Variants in EPHB2 observed in about 807,000 individuals in gnomAD.
The protein encoded by EPHB2 is ephrin type-B receptor 2.
Under a neutral mutation model 96.4 loss-of-function variants are expected in EPHB2, and 18 were observed. The observed-to-expected ratio is 0.19, with a 90% CI of 0.13 to 0.28. The LOEUF is 0.28. EPHB2 is among the 10% of genes least tolerant of loss of function. The pLI is 1.00. For missense variants in EPHB2, 989 were observed against 1,355.4 expected (o/e 0.73, Z 4.25); for synonymous variants, 506 against 534.1 (o/e 0.95, Z 0.72).
intron 5 of EPHB2, among the ~76,000 whole-genome samples, chr1:22,871,841 C>T (rs1452155421): frequency 2.6e-5 from 4 of 152,034 alleles, no homozygotes; most frequent in Non-Finnish European, 5.9e-5. Context: ...CATGGTGAAA[C>T]CCCATCTCTA....
intron 5 of EPHB2, 34 bp from the exon 6 acceptor site, chr1:22,882,325 C>T: frequency 6.2e-7 from 1 of 1,611,876 alleles, no homozygotes; most frequent in Non-Finnish European, 8.5e-7. Flanking sequence ...CTTCTCATGC[C>T]TCCCTGATCC....
chr1:22,762,198 G>A (rs534493630), intron 1 of EPHB2, among the ~76,000 whole-genome samples: 270 of 152,300 alleles, frequency 1.8e-3, no homozygotes, highest in African/African-American at 5.7e-3. Context: ...GTCCCTGATG[G>A]CACCAGGGGC....
intron 1 of EPHB2, among the ~76,000 whole-genome samples, chr1:22,759,161 C>T (rs2148391931): frequency 6.6e-6 from 1 of 152,198 alleles, no homozygotes; most frequent in Admixed American, 6.5e-5. Context: ...AGCTATTTTC[C>T]CAGCTCGCTT....
intron 3 of EPHB2, chr1:22,836,870 A>G (rs553047855): frequency 1.3e-5 from 2 of 152,420 alleles, no homozygotes; most frequent in South Asian, 2.1e-4. Context: ...GGAGGAGAAG[A>G]CAGAGCTTTC....
Position 22,784,863 on chromosome 1 carries a change from A to T in EPHB2, c.598A>T (p.Ile200Phe). 1.2e-6 allele frequency: 2 copies of T among 1,612,614 alleles called. No individual in the cohort carries two copies. Among genetic ancestry groups the T allele is most frequent in the Non-Finnish European group, 1.7e-6 (2 of 1,179,178 alleles). ...VRVFYRKCPR[I>F]IQNGAIFQET... ...TGTCTTCTACCGCAAGTGCCCCCGC[A>T]TCATCCAGAATGGCGCCATCTTCCA... Residue 200 changes from isoleucine to phenylalanine, a missense_variant, in exon 3 of 16, where the codon ATC becomes TTC. By Grantham distance (21) the Ile-to-Phe change is conservative (BLOSUM62 0). Transcript: ENST00000374630. The surrounding 1 kb of genome is among the most constrained non-coding windows in gnomAD (Gnocchi z 5.1).
chr1:22,878,469 G>T (rs1184522266), intron 5 of EPHB2, among the ~76,000 whole-genome samples: 1 of 152,246 alleles, frequency 6.6e-6, no homozygotes, highest in African/African-American at 2.4e-5. Context: ...GATGCTGTGA[G>T]GTTCCTCTCC....
At chr1:22,873,040 T>C (rs182165099) in intron 5 of EPHB2, among the ~76,000 whole-genome samples, 7 of 152,338 alleles carry the variant, frequency 4.6e-5, no homozygotes, top group South Asian at 2.1e-4. Flanking sequence ...TCATTTAAGA[T>C]TGGTTTTGGC....
chr1:22,910,551 A>G lies in EPHB2; in HGVS notation c.2672A>G (p.Lys891Arg). ...DKMIRNPNSLKAMAPLSSGIN... is the reference protein window; with the variant it reads ...DKMIRNPNSLRAMAPLSSGIN... Reference sequence around the variant, plus strand: ...ATGATCCGCAATCCCAACAGCCTCAAAGCCATGGCGCCCCTCTCCTCTGGG... The same window carrying G: ...ATGATCCGCAATCCCAACAGCCTCAGAGCCATGGCGCCCCTCTCCTCTGGG... The change falls in exon 14 of 16, where the codon AAA becomes AGA. Residue 891 changes from lysine (K) to arginine (R), a missense_variant. Transcript: ENST00000374630. The G allele has an allele frequency of 6.2e-7, 1 of 1,607,766 alleles. No individual in the cohort carries two copies. Among genetic ancestry groups the G allele is most frequent in the Non-Finnish European group, 8.5e-7 (1 of 1,179,982 alleles).
intron 1 of EPHB2, among the ~76,000 whole-genome samples, chr1:22,715,237 G>T (rs897257859): frequency 1.3e-5 from 2 of 152,216 alleles, no homozygotes; most frequent in African/African-American, 4.8e-5. Flanking sequence ...AATCAAGGAG[G>T]TCTTCCTGGA....
At chr1:22,859,295 G>A (rs1358742155) in intron 3 of EPHB2, among the ~76,000 whole-genome samples, 1 of 127,276 alleles carries the variant, frequency 7.9e-6, no homozygotes, top group African/African-American at 3.6e-5. Flanking sequence ...GGGTGGGCCT[G>A]GTGGGGGGGG....
At chr1:22,908,389 C>G (rs1639984890) in intron 12 of EPHB2, among the ~76,000 whole-genome samples, 1 of 152,246 alleles carries the variant, frequency 6.6e-6, no homozygotes, top group Admixed American at 6.5e-5. Flanking sequence ...GGCTGTAAGC[C>G]AGGACAGCCA....
intron 3 of EPHB2, among the ~76,000 whole-genome samples, chr1:22,862,531 A>G (rs1298269597): frequency 6.6e-6 from 1 of 152,222 alleles, no homozygotes; most frequent in Non-Finnish European, 1.5e-5. Flanking sequence ...CAGTACTCAA[A>G]GCCAGGTCGG....
rs71020453 is a variant in EPHB2 at position 22,819,205 on chromosome 1, GTCTCTCTCTCTCTC to G, written c.811+34161_811+34174del. The stretch of plus-strand genomic sequence containing the variant: ...TCCACAGCCTGGTCGCCCAGCAGAT[GTCTCTCTCTCTCTC>G]TCTCTCTCTCTCTCTCTCTCTCTCT... On this transcript the variant is annotated intron_variant, in intron 3 of 15. Transcript: ENST00000374630. Among the ~76,000 whole-genome samples, 31 of 103,470 alleles carry G rather than the reference GTCTCTCTCTCTCTC, an allele frequency of 3.0e-4. 1 individual carries two copies. The highest frequency in any genetic ancestry group is 5.8e-4 in the Admixed American group (5 of 8,606). The allele number at this position is 103,470 out of a possible 152,430, so 67.9% of individuals were successfully genotyped here.
intron 1 of EPHB2, among the ~76,000 whole-genome samples, chr1:22,761,189 T>C (rs1432743941): frequency 6.6e-6 from 1 of 152,182 alleles, no homozygotes; most frequent in Non-Finnish European, 1.5e-5. Flanking sequence ...AAAACGTGCC[T>C]GAGTCCATTG....
At chr1:22,723,938 G>A (rs1299380023) in intron 1 of EPHB2, among the ~76,000 whole-genome samples, 1 of 152,194 alleles carries the variant, frequency 6.6e-6, no homozygotes, top group African/African-American at 2.4e-5. Flanking sequence ...CTGGGCTTAG[G>A]TATTATTGTT....
rs774730012 is a variant in EPHB2 at position 22,910,595 on chromosome 1, C to G, written c.2696+20C>G. 1.2e-6 allele frequency: 2 copies of G among 1,613,314 alleles called. No homozygotes were observed. The highest frequency in any genetic ancestry group is 2.7e-5 in the African/African-American group (2 of 75,032). On this transcript the variant is annotated intron_variant, in intron 14 of 15. Transcript: ENST00000374630. ...CTCTGGGTAAGGCCCCACCCTGGCC[C>G]TGCCCCAGCCAGGCCCTGCCCCTCT...
chr1:22,747,204 G>A (rs1233370716), intron 1 of EPHB2, among the ~76,000 whole-genome samples: 2 of 152,348 alleles, frequency 1.3e-5, no homozygotes, highest in Middle Eastern at 6.8e-3. Context: ...AAGCAAGGCG[G>A]GCTCACGTCC....
At chr1:22,750,682 ATCATCTTGTTT>A (rs1644048909) in intron 1 of EPHB2, among the ~76,000 whole-genome samples, 1 of 152,258 alleles carries the variant, frequency 6.6e-6, no homozygotes, top group South Asian at 2.1e-4. Flanking sequence ...ATGCCAGGAC[ATCATCTTGTTT>A]TCATCATGAA....
intron 5 of EPHB2, among the ~76,000 whole-genome samples, chr1:22,881,303 T>C (rs569737184): frequency 1.8e-3 from 278 of 152,010 alleles, no homozygotes; most frequent in Middle Eastern, 3.4e-3. Context: ...GAGACTGAGG[T>C]AGGAGAATCG....
Sources: allele counts gnomAD v4.1 joint callset (sites outside exome capture counted in the v4.1 genomes callset), GRCh38; gene constraint gnomAD v4.1.1; non-coding constraint Gnocchi (gnomAD v3.1); transcripts MANE v1.5; gene names NCBI Gene and HGNC (gene_info 2026-07-23, HGNC 2026-07-21).